Variants in RPH3AL observed in about 807,000 individuals in gnomAD.
RPH3AL encodes rab effector Noc2.
A neutral mutation model predicts 43.1 loss-of-function variants in RPH3AL; 38 were observed. That is an observed-to-expected ratio of 0.88 (90% CI 0.68 to 1.15). The LOEUF is 1.15. Ranked by LOEUF, RPH3AL falls within the 50% of genes most tolerant of loss-of-function variation. RPH3AL has a pLI of 0.00. For missense variants in RPH3AL, 462 were observed against 423.2 expected (o/e 1.09, Z -0.81); for synonymous variants, 189 against 176.3 (o/e 1.07, Z -0.57).
At chr17:316,797 T>G (rs964108201) in intron 5 of RPH3AL, among the ~76,000 whole-genome samples, 14 of 124,014 alleles carry the variant, frequency 1.1e-4, no homozygotes, top group Non-Finnish European at 1.6e-4. Flanking sequence ...TCCATTGACC[T>G]GTAGTCCCTG....
At chr17:348,051 G>A (rs982718197) in intron 1 of RPH3AL, among the ~76,000 whole-genome samples, 67 of 150,916 alleles carry the variant, frequency 4.4e-4, no homozygotes, top group Non-Finnish European at 7.8e-4. Context: ...GGCTACTCTG[G>A]GCACCCTGCC....
At chr17:284,442 G>A (rs2042857481) in intron 5 of RPH3AL, among the ~76,000 whole-genome samples, 1 of 152,174 alleles carries the variant, frequency 6.6e-6, no homozygotes, top group African/African-American at 2.4e-5. Context: ...TGGGGACGTG[G>A]CTGATGGCTC....
intron 7 of RPH3AL, among the ~76,000 whole-genome samples, chr17:232,176 C>T (rs1014532554): frequency 6.6e-5 from 10 of 151,720 alleles, no homozygotes; most frequent in Admixed American, 5.9e-4. Flanking sequence ...GGGCAGTTTC[C>T]TGACTGCTGC....
intron 2 of RPH3AL, among the ~76,000 whole-genome samples, chr17:329,734 G>A (rs2044704768): frequency 6.6e-6 from 1 of 152,154 alleles, no homozygotes. Context: ...AAAACAGCTG[G>A]ACCTTCATAT....
chr17:272,979 A>AGGGCGACGTCAGGGAGAGACCCCAGCG (rs1567604413), intron 6 of RPH3AL, among the ~76,000 whole-genome samples: 3 of 42,676 alleles, frequency 7.0e-5, no homozygotes, highest in African/African-American at 1.5e-4. Flanking sequence ...AGACCCCAGC[A>AGGGCGACGTCAGGGAGAGACCCCAGCG]AGGGCTACGT....
chr17:331,612 G>C, intron 2 of RPH3AL: 1 of 1,287,226 alleles, frequency 7.8e-7, no homozygotes, highest in Non-Finnish European at 1.0e-6. Context: ...ACTGCCCACG[G>C]AGCCAGTTTC....
At chr17:308,589 G>A (rs772933969) in intron 5 of RPH3AL, among the ~76,000 whole-genome samples, 8 of 152,232 alleles carry the variant, frequency 5.3e-5, no homozygotes, top group Non-Finnish European at 8.8e-5. Flanking sequence ...AGTGGGGTAT[G>A]CACATACAGT....
Position 337,706 on chromosome 17 carries a change from G to A in RPH3AL, c.-212-3772C>T, listed in dbSNP as rs147512695. 5.7e-3 allele frequency among the ~76,000 whole-genome samples: 870 copies of A among 152,300 alleles called. 4 individuals are homozygous for A. Among genetic ancestry groups the A allele is most frequent in the Non-Finnish European group, 9.7e-3 (658 of 68,014 alleles). On this transcript the variant is annotated intron_variant, in intron 1 of 9. Transcript: ENST00000331302. ...GGCCTCGTTCATTCAACACACACAC[G>A]CTGGGTGCTGACGAGGCACCAGGCC... is the stretch of plus-strand genomic sequence containing the variant.
chr17:235,955 T>G (rs1221443226), intron 7 of RPH3AL, among the ~76,000 whole-genome samples: 291 of 92,152 alleles, frequency 3.2e-3, no homozygotes, highest in Middle Eastern at 0.012. Flanking sequence ...AGATCCAGGG[T>G]TCAAAGCTGG....
At chr17:325,301 C>A (rs775451794) in intron 3 of RPH3AL, among the ~76,000 whole-genome samples, 2 of 152,198 alleles carry the variant, frequency 1.3e-5, no homozygotes, top group Admixed American at 6.5e-5. Context: ...CACATTATTA[C>A]GAGACAACAT....
intron 7 of RPH3AL, among the ~76,000 whole-genome samples, chr17:233,576 C>T (rs1172039869): frequency 6.6e-6 from 1 of 152,172 alleles, no homozygotes; most frequent in African/African-American, 2.4e-5. Context: ...ATGCCCCTGC[C>T]TCCCACTGGC....
chr17:305,611 T>C (rs1436610220), intron 5 of RPH3AL, among the ~76,000 whole-genome samples: 3 of 152,094 alleles, frequency 2.0e-5, no homozygotes, highest in East Asian at 1.9e-4. Flanking sequence ...CGAGTGGAGA[T>C]ACTAGGTCAC....
At chr17:272,985 T>TCAGGAAGAGACCCCAGCGCGGGTG (rs1567604470) in intron 6 of RPH3AL, among the ~76,000 whole-genome samples, 1 of 36,360 alleles carries the variant, frequency 2.8e-5, no homozygotes, top group African/African-American at 8.8e-5. Flanking sequence ...CAGCAAGGGC[T>TCAGGAAGAGACCCCAGCGCGGGTG]ACGTCAGGGT....
At chr17:331,402 A>T in intron 2 of RPH3AL, 1 of 296,078 alleles carries the variant, frequency 3.4e-6, no homozygotes, top group Non-Finnish European at 5.9e-6. Context: ...GTGGCTGACC[A>T]CGTTCACAGG....
chr17:314,692 A>G (rs923639741), intron 5 of RPH3AL, among the ~76,000 whole-genome samples: 1 of 135,354 alleles, frequency 7.4e-6, no homozygotes, highest in East Asian at 2.3e-4. Flanking sequence ...CTCCACCTCC[A>G]TTGACCTGTA....
chr17:314,838 C>A, intron 5 of RPH3AL, among the ~76,000 whole-genome samples: 3 of 152,204 alleles, frequency 2.0e-5, no homozygotes, highest in South Asian at 4.2e-4. Context: ...CTGTGCTCCA[C>A]CTCCATTGAC....
intron 6 of RPH3AL, among the ~76,000 whole-genome samples, chr17:278,010 C>G (rs919891692): frequency 1.3e-5 from 2 of 152,076 alleles, no homozygotes; most frequent in African/African-American, 4.8e-5. Flanking sequence ...ACAAAGGTCT[C>G]TAAGCACCAA....
intron 6 of RPH3AL, chr17:247,614 C>T: frequency 3.3e-6 from 1 of 306,426 alleles, no homozygotes; most frequent in South Asian, 7.7e-5. Context: ...GTCTCCTCAG[C>T]AGCTGGGACT....
chr17:258,978 C>G (rs782518903), intron 6 of RPH3AL, among the ~76,000 whole-genome samples: 1 of 152,128 alleles, frequency 6.6e-6, no homozygotes, highest in Non-Finnish European at 1.5e-5. Context: ...ATACGATTCA[C>G]CCCAATATTT....
Sources: allele counts gnomAD v4.1 joint callset (sites outside exome capture counted in the v4.1 genomes callset), GRCh38; gene constraint gnomAD v4.1.1; transcripts MANE v1.5; gene names NCBI Gene and HGNC (gene_info 2026-07-23, HGNC 2026-07-21).